GABRB1: variants seen among roughly 807,000 people sequenced by gnomAD.
The protein encoded by GABRB1 is gamma-aminobutyric acid receptor subunit beta-1.
GABRB1 carries 17 observed loss-of-function variants against 51.6 expected under a neutral mutation model. The ratio of observed to expected loss-of-function variants is 0.33; its 90% CI spans 0.23 to 0.49. The LOEUF (loss-of-function observed/expected upper bound fraction) is 0.49, where lower values mean the gene tolerates loss of function less well. Ranked by LOEUF, GABRB1 falls within the 20% of genes least tolerant of loss-of-function variation. The probability of loss-of-function intolerance (pLI) is 0.99; values close to 1 mark genes in which losing one functional copy is unlikely to be tolerated. For missense variants in GABRB1, 410 were observed against 600.6 expected, an observed-to-expected ratio of 0.68 and a Z score of 3.32; for synonymous variants, 247 against 218.9, an observed-to-expected ratio of 1.13 and a Z score of -1.14.
chr4:47,187,438 C>G (rs1401923420), intron 4 of GABRB1, among the ~76,000 whole-genome samples: 2 of 151,838 alleles, frequency 1.3e-5, no homozygotes, highest in Non-Finnish European at 2.9e-5. Context: ...ATTGCTTGTC[C>G]TTGTTTCTTT....
At chr4:47,086,303 A>G (rs1384051330) in intron 3 of GABRB1, among the ~76,000 whole-genome samples, 1 of 152,164 alleles carries the variant, frequency 6.6e-6, no homozygotes, top group East Asian at 1.9e-4. Flanking sequence ...GTTCTCTTGT[A>G]TTTACAATGG....
intron 4 of GABRB1, among the ~76,000 whole-genome samples, chr4:47,251,866 T>G (rs1283755883): frequency 1.3e-5 from 2 of 152,142 alleles, no homozygotes; most frequent in Non-Finnish European, 2.9e-5. Context: ...GAGTCTATTT[T>G]CAGGCAGTGG....
intron 3 of GABRB1, among the ~76,000 whole-genome samples, chr4:47,049,591 A>G (rs749124624): frequency 6.6e-5 from 10 of 152,190 alleles, no homozygotes; most frequent in Non-Finnish European, 1.2e-4. Context: ...TAAAATAGCA[A>G]GTTATTATTA....
intron 3 of GABRB1, among the ~76,000 whole-genome samples, chr4:47,050,438 T>C (rs553566425): frequency 3.4e-4 from 51 of 152,204 alleles, no homozygotes; most frequent in African/African-American, 1.2e-3. Context: ...CGTATATATA[T>C]ATACATACAT....
At chr4:47,250,526 A>C (rs1299857847) in intron 4 of GABRB1, among the ~76,000 whole-genome samples, 1 of 152,146 alleles carries the variant, frequency 6.6e-6, no homozygotes, top group African/African-American at 2.4e-5. Context: ...AGTTTTCCTC[A>C]ATTATTCTCC....
At chr4:47,054,615 T>G (rs1432756601) in intron 3 of GABRB1, among the ~76,000 whole-genome samples, 2 of 151,826 alleles carry the variant, frequency 1.3e-5, no homozygotes, top group Non-Finnish European at 2.9e-5. Flanking sequence ...GGAGTCTTGC[T>G]TTGTTGCCCA....
intron 4 of GABRB1, among the ~76,000 whole-genome samples, chr4:47,199,262 A>C (rs1719804219): frequency 6.6e-6 from 1 of 152,154 alleles, no homozygotes; most frequent in African/African-American, 2.4e-5. Flanking sequence ...AAATTAGGAG[A>C]TTAACTCTCA....
chr4:47,121,104 G>T (rs1471043948), intron 3 of GABRB1, among the ~76,000 whole-genome samples: 1 of 152,092 alleles, frequency 6.6e-6, no homozygotes, highest in African/African-American at 2.4e-5. Context: ...TTTAGTCCTT[G>T]GTGGCAAAGC....
chr4:47,008,806 C>G (rs1246576838), intron 1 of GABRB1, among the ~76,000 whole-genome samples: 1 of 139,318 alleles, frequency 7.2e-6, no homozygotes, highest in African/African-American at 2.6e-5. Flanking sequence ...TTTAAAAATA[C>G]CAGCAGTATT....
rs376618827 is a variant in GABRB1, at chr4:47,053,334, C to T, written c.240+20850C>T. On this transcript the variant is annotated intron_variant, in intron 3 of 8. Transcript: ENST00000295454. Reference sequence around the variant, plus strand: ...GGGAACGCCAAGATGAAGGCACCAGCAGGTCTGGTGTCTGGTGAGGTCTTC... The same window carrying T: ...GGGAACGCCAAGATGAAGGCACCAGTAGGTCTGGTGTCTGGTGAGGTCTTC... 3.3e-5 allele frequency among the ~76,000 whole-genome samples: 5 copies of T among 152,302 alleles called. No individual in the cohort carries two copies. The South Asian group carries it at 6.2e-4, about 19-fold the overall frequency.
upstream of GABRB1, among the ~76,000 whole-genome samples, chr4:47,027,600 A>C (rs946625053): frequency 6.6e-6 from 1 of 151,626 alleles, no homozygotes; most frequent in African/African-American, 2.4e-5. Context: ...GATATGCAAA[A>C]AGTGAAGTGG....
intron 4 of GABRB1, among the ~76,000 whole-genome samples, chr4:47,171,888 C>T (rs959369271): frequency 2.0e-5 from 3 of 152,028 alleles, no homozygotes; most frequent in African/African-American, 7.2e-5. Context: ...TAGTATGTAT[C>T]CCAGATTGTG....
At chr4:47,324,362 C>T (rs1725179275) in intron 5 of GABRB1, among the ~76,000 whole-genome samples, 2 of 152,132 alleles carry the variant, frequency 1.3e-5, no homozygotes, top group Admixed American at 1.3e-4. Context: ...ATACCTCACC[C>T]CTGAGCTCTC....
chr4:47,351,526 A>C lies in GABRB1; in HGVS notation c.544+31317A>C, dbSNP rs189940387. On this transcript the variant is annotated intron_variant, in intron 5 of 8. Coordinates refer to ENST00000295454, the MANE Select transcript of GABRB1 (RefSeq NM_000812.4). The stretch of plus-strand genomic sequence containing the variant: ...TGCACCCATTAACTTGTCATTTAGC[A>C]TTAGGTATATCTCCTAATGCTATCC... 5.5e-3 allele frequency among the ~76,000 whole-genome samples: 831 copies of C among 151,016 alleles called. 4 individuals carry two copies. The highest frequency in any genetic ancestry group is 8.0e-3 in the Non-Finnish European group (540 of 67,764).
At chr4:47,008,464 CTTT>C (rs747910509) in intron 1 of GABRB1, among the ~76,000 whole-genome samples, 1 of 144,026 alleles carries the variant, frequency 6.9e-6, no homozygotes. Context: ...AAATATTTTA[CTTT>C]TTTTTTTTTT....
chr4:47,136,166 G>T (rs537813893), intron 3 of GABRB1, among the ~76,000 whole-genome samples: 6 of 152,078 alleles, frequency 3.9e-5, no homozygotes, highest in African/African-American at 1.4e-4. Flanking sequence ...AATTTTGTTT[G>T]TTTTTTGTAG....
At chr4:47,294,684 G>A (rs1723896400) in intron 4 of GABRB1, among the ~76,000 whole-genome samples, 1 of 152,236 alleles carries the variant, frequency 6.6e-6, no homozygotes, top group Non-Finnish European at 1.5e-5. Flanking sequence ...GCAGGAAACA[G>A]ACAAACAAAA....
At chr4:47,008,611 C>T (rs1236656673) in intron 1 of GABRB1, among the ~76,000 whole-genome samples, 6 of 149,604 alleles carry the variant, frequency 4.0e-5, no homozygotes, top group South Asian at 2.1e-4. Flanking sequence ...TACAGGCTCC[C>T]GCCACCACAC....
chr4:47,239,417 T>A (rs559193496), intron 4 of GABRB1, among the ~76,000 whole-genome samples: 1 of 152,314 alleles, frequency 6.6e-6, no homozygotes, highest in East Asian at 1.9e-4. Flanking sequence ...TAAATAAATT[T>A]GCTTGTGAAT....
Sources: allele counts gnomAD v4.1 joint callset (sites outside exome capture counted in the v4.1 genomes callset), GRCh38; gene constraint gnomAD v4.1.1; transcripts MANE v1.5; gene names NCBI Gene and HGNC (gene_info 2026-07-23, HGNC 2026-07-21).